Variants in CYP2A13 observed in about 807,000 individuals in gnomAD.
CYP2A13 encodes the protein cytochrome P450 2A13.
A neutral mutation model predicts 39.4 loss-of-function variants in CYP2A13; 30 were observed. That is an observed-to-expected ratio of 0.76 (90% CI 0.57 to 1.03). The LOEUF is 1.03. Among genes scored for constraint, CYP2A13 ranks in the 50% least tolerant of loss-of-function variants. CYP2A13 has a pLI of 0.00. For missense variants in CYP2A13, 731 were observed against 648.4 expected (o/e 1.13, Z -1.38); for synonymous variants, 269 against 254.7 (o/e 1.06, Z -0.54).
intron 8 of CYP2A13, 80 bp downstream of exon 8, chr19:41,095,180 T>C: frequency 6.2e-7 from 1 of 1,612,004 alleles, no homozygotes; most frequent in Non-Finnish European, 8.5e-7. Context: ...CTCTGCGGTG[T>C]AGCCTGGTAT....
rs2031108609 is a variant in CYP2A13 at position 41,089,078 on chromosome 19, C to T, written c.330C>T (p.Leu110=). ...GRGEQATFDW[L]FKGYGVAFSN... is the part of the protein sequence containing the mutation. ...GCGAGCAGGCCACCTTCGACTGGCT[C>T]TTCAAAGGCTATGGTGAGGGGGTGC... Residue 110 remains leucine (L), a synonymous_variant, in exon 2 of 9, where the codon CTC becomes CTT. Coordinates refer to ENST00000330436, the MANE Select transcript of CYP2A13 (RefSeq NM_000766.5). 6.2e-7 allele frequency: 1 copy of T among 1,612,496 alleles called. No homozygotes were observed. The highest frequency in any genetic ancestry group is 2.2e-5 in the East Asian group (1 of 44,872).
At position 41,096,055 on chromosome 19, in the gene CYP2A13, G is replaced by A; in HGVS notation, c.*114G>A. ...AATGGGGGCAGTGGGGGAAGGAAGGGGAGAGGTGGTTAGAGGGAACAGAAG... is the reference window on the plus strand; with the variant it reads ...AATGGGGGCAGTGGGGGAAGGAAGGAGAGAGGTGGTTAGAGGGAACAGAAG... On this transcript the variant is annotated 3_prime_UTR_variant, in exon 9 of 9. Transcript: ENST00000330436. 6.9e-7 allele frequency: 1 copy of A among 1,456,280 alleles called. No individual in the cohort carries two copies. Among genetic ancestry groups the A allele is most frequent in the South Asian group, 1.3e-5 (1 of 77,684 alleles). The allele number at this position is 1,456,280 out of a possible 1,614,324, so 90.2% of individuals were successfully genotyped here.
intron 2 of CYP2A13, among the ~76,000 whole-genome samples, 185 bp downstream of exon 2, chr19:41,089,276 G>A (rs965898707): frequency 1.3e-5 from 2 of 151,964 alleles, no homozygotes; most frequent in South Asian, 4.1e-4. Context: ...CAGCGTCCCT[G>A]TCGTGATTCC....
intron 8 of CYP2A13, 91 bp from the exon 9 acceptor site, chr19:41,095,669 C>G: frequency 6.6e-7 from 1 of 1,505,684 alleles, no homozygotes; most frequent in Non-Finnish European, 9.0e-7. Context: ...TTCCACCCCT[C>G]CTCCCTAGAG....
In CYP2A13 at chr19:41,095,876, TC is replaced by T. The variant is rs1331711507; in HGVS notation, c.1425del (p.Lys476AsnfsTer14). ...SPQSPKDIDV[S>X]PKHVGFATIP... Reference sequence around the variant, plus strand: ...TCAGTCGCCTAAGGATATCGACGTGTCCCCCAAACACGTGGGCTTTGCCACG... The same window carrying T: ...TCAGTCGCCTAAGGATATCGACGTGTCCCCAAACACGTGGGCTTTGCCACG... On this transcript the variant is annotated frameshift_variant, in exon 9 of 9. Coordinates refer to ENST00000330436, the MANE Select transcript of CYP2A13 (RefSeq NM_000766.5). LOFTEE classifies it high-confidence loss of function. The T allele has an allele frequency of 5.0e-6, 8 of 1,613,716 alleles. No homozygotes were observed. The highest frequency in any genetic ancestry group is 6.8e-6 in the Non-Finnish European group (8 of 1,179,864).
At chr19:41,092,063 C>T (rs866986183) in intron 5 of CYP2A13, among the ~76,000 whole-genome samples, 155 bp downstream of exon 5, 2 of 151,968 alleles carry the variant, frequency 1.3e-5, no homozygotes, top group Admixed American at 6.5e-5. Context: ...GACCTGTAAT[C>T]CCAGCACTTT....
At position 41,096,157 on chromosome 19, in the gene CYP2A13, T is replaced by C. The variant is rs1411081848; in HGVS notation, c.*216T>C. The C allele has an allele frequency of 1.5e-6, 1 of 678,208 alleles. No individual in the cohort carries two copies. The highest frequency in any genetic ancestry group is 2.5e-6 in the Non-Finnish European group (1 of 400,586). 42.0% of individuals were successfully genotyped at this position (678,208 alleles called of 1,614,324 possible). On this transcript the variant is annotated 3_prime_UTR_variant, in exon 9 of 9. Coordinates refer to ENST00000330436, the MANE Select transcript of CYP2A13 (RefSeq NM_000766.5). ...GAGGAAGGGAAACCTTACAGTATGC[T>C]ACAAAGAGTAGTAATAATAGCAGCT...
intron 6 of CYP2A13, 63 bp from the exon 7 acceptor site, chr19:41,094,182 T>C: frequency 6.3e-7 from 1 of 1,589,372 alleles, no homozygotes; most frequent in Non-Finnish European, 8.6e-7. Flanking sequence ...GTTTTACCTA[T>C]TCGGACTATC....
In CYP2A13 at chr19:41,090,196, G is replaced by C. The variant is rs1215811183; in HGVS notation, c.493G>C (p.Gly165Arg). The change falls in exon 3 of 9, where the codon GGC becomes CGC. Residue 165 changes from glycine (G) to arginine (R), a missense_variant and splice_region_variant. Physicochemically the swap from Gly to Arg is moderately radical, Grantham distance 125 (BLOSUM62 -2). Coordinates refer to ENST00000330436, the MANE Select transcript of CYP2A13 (RefSeq NM_000766.5). ...FLIDALRGTH[G>R]ANIDPTFFLS... Reference sequence around the variant, plus strand: ...CATCGACGCCCTCCGGGGCACGCACGGTGAGTAGGGGACCCCGAGTGCGAG... The same window carrying C: ...CATCGACGCCCTCCGGGGCACGCACCGTGAGTAGGGGACCCCGAGTGCGAG... 2 of 1,570,172 alleles carry C rather than the reference G, an allele frequency of 1.3e-6. No individual in the cohort carries two copies. The highest frequency in any genetic ancestry group is 1.7e-6 in the Non-Finnish European group (2 of 1,156,908).
At chr19:41,093,522 T>C in intron 5 of CYP2A13, 108 bp from the exon 6 acceptor site, 1 of 1,418,166 alleles carries the variant, frequency 7.1e-7, no homozygotes, top group African/African-American at 1.4e-5. Context: ...AGGGTCCCTC[T>C]TTCCACCTTT....
chr19:41,089,013 G>A lies in CYP2A13; in HGVS notation c.265G>A (p.Glu89Lys). 6.2e-7 allele frequency: 1 copy of A among 1,613,832 alleles called. No homozygotes were observed. The highest frequency in any genetic ancestry group is 8.5e-7 in the Non-Finnish European group (1 of 1,179,856). The change falls in exon 2 of 9, where the codon GAG (glutamate) becomes AAG (lysine). Residue 89 changes from glutamate to lysine, a missense_variant. Coordinates refer to ENST00000330436, the MANE Select transcript of CYP2A13 (RefSeq NM_000766.5). ...VVLCGHDAVK[E>K]ALVDQAEEFS... ...GCTGTGCGGACATGATGCCGTCAAG[G>A]AGGCTCTGGTGGACCAGGCTGAGGA...
chr19:41,091,886 C>A lies in CYP2A13; in HGVS notation c.809C>A (p.Ser270Tyr), dbSNP rs753094702. The A allele has an allele frequency of 3.1e-6, 5 of 1,614,228 alleles. No individual in the cohort carries two copies. The South Asian group carries it at 5.5e-5, about 18-fold the overall frequency. ...AATTCCCCACGGGACTTCATCGACT[C>A]CTTTCTCATCCGCATGCAGGAGGTA... is the stretch of plus-strand genomic sequence containing the variant. Reference protein sequence around the residue: ...DPNSPRDFIDSFLIRMQEEEK... With the variant: ...DPNSPRDFIDYFLIRMQEEEK... Residue 270 changes from serine (S) to tyrosine (Y), a missense_variant, in exon 5 of 9, where the codon TCC becomes TAC. Ser to Tyr is a moderately radical substitution (Grantham distance 144, BLOSUM62 -2). Coordinates refer to ENST00000330436, the MANE Select transcript of CYP2A13 (RefSeq NM_000766.5).
chr19:41,090,714 AG>A lies in CYP2A13; in HGVS notation c.654+151del. 9.5e-6 allele frequency: 12 copies of A among 1,263,886 alleles called. No homozygotes were observed. In the South Asian group the frequency reaches 1.7e-4, roughly 18 times the overall value. 78.3% of individuals were successfully genotyped at this position (1,263,886 alleles called of 1,614,324 possible). A position where few individuals can be genotyped will look rare whatever the true frequency, so the allele number is the denominator to read the frequency against. ...TATTGGACAACTGGACGGTTGCACC[AG>A]AACCCAGGAGGGATGCCCAATACCC... On this transcript the variant is annotated intron_variant, in intron 4 of 8. Transcript: ENST00000330436.
chr19:41,094,973 C>T lies in CYP2A13; in HGVS notation c.1176C>T (p.Phe392=). 6.2e-7 allele frequency: 1 copy of T among 1,614,110 alleles called. No individual in the cohort carries two copies. The highest frequency in any genetic ancestry group is 1.1e-5 in the South Asian group (1 of 91,074). ...DFFLPKGTEV[F]PMLGSVLRDP... ...CTCCCTCCCAGGGCACTGAAGTGTT[C>T]CCTATGCTGGGCTCCGTGCTGAGAG... The change falls in exon 8 of 9, where the codon TTC becomes TTT. Residue 392 remains phenylalanine (F), a synonymous_variant. Transcript: ENST00000330436.
At chr19:41,095,731 C>A (rs1205991835) in intron 8 of CYP2A13, 29 bp from the exon 9 acceptor site, 1 of 1,611,670 alleles carries the variant, frequency 6.2e-7, no homozygotes, top group Non-Finnish European at 8.5e-7. Context: ...GTGGGCTTCA[C>A]CTTCACCCCT....
chr19:41,095,893 C>G lies in CYP2A13; in HGVS notation c.1437C>G (p.Gly479=), dbSNP rs1483324394. The G allele has an allele frequency of 4.3e-6, 7 of 1,613,798 alleles. No homozygotes were observed. The highest frequency in any genetic ancestry group is 5.9e-6 in the Non-Finnish European group (7 of 1,179,876). The part of the protein sequence containing the change: ...KDIDVSPKHV[G]FATIPRNYTM... ...TCGACGTGTCCCCCAAACACGTGGG[C>G]TTTGCCACGATCCCACGAAACTACA... is the stretch of plus-strand genomic sequence containing the variant. Residue 479 remains glycine (G), a synonymous_variant, in exon 9 of 9, where the codon GGC becomes GGG. Transcript: ENST00000330436.
At position 41,095,947 on chromosome 19, in the gene CYP2A13, G is replaced by T. The variant is rs200023795; in HGVS notation, c.*6G>T. 2,230 of 1,613,764 alleles carry T rather than the reference G, an allele frequency of 1.4e-3. 5 individuals carry two copies. Among genetic ancestry groups the T allele is most frequent in the South Asian group, 4.9e-3 (444 of 91,054 alleles). On this transcript the variant is annotated 3_prime_UTR_variant, in exon 9 of 9. Coordinates refer to ENST00000330436, the MANE Select transcript of CYP2A13 (RefSeq NM_000766.5). ...TGAGCTTCCTGCCCCGCTGAGCGAG[G>T]GCTGTGCTGGTGCAGGGCTGGTGGG...
chr19:41,090,306 G>GA (rs1356830316), intron 3 of CYP2A13, 98 bp from the exon 4 acceptor site: 4 of 1,582,462 alleles, frequency 2.5e-6, no homozygotes, highest in Admixed American at 1.7e-5. Context: ...CTGGCGCTGG[G>GA]ATTCGGCTCA....
At position 41,095,996 on chromosome 19, in the gene CYP2A13, C is replaced by A; in HGVS notation, c.*55C>A. The stretch of plus-strand genomic sequence containing the variant: ...GGCGGGGCCAGGGAAACGGCCGGGG[C>A]AGGGGCGGGGCTTGTGGGAGGGGCG... On this transcript the variant is annotated 3_prime_UTR_variant, in exon 9 of 9. Transcript: ENST00000330436. The A allele has an allele frequency of 9.0e-7, 1 of 1,105,806 alleles. No individual in the cohort carries two copies. The highest frequency in any genetic ancestry group is 2.0e-5 in the South Asian group (1 of 49,954). 68.5% of individuals were successfully genotyped at this position (1,105,806 alleles called of 1,614,324 possible).
Sources: allele counts gnomAD v4.1 joint callset (sites outside exome capture counted in the v4.1 genomes callset), GRCh38; gene constraint gnomAD v4.1.1; transcripts MANE v1.5; gene names NCBI Gene and HGNC (gene_info 2026-07-23, HGNC 2026-07-21).